CACNA2D3: variants seen among roughly 807,000 people sequenced by gnomAD.
CACNA2D3 encodes the protein calcium voltage-gated channel auxiliary subunit alpha2delta 3.
CACNA2D3 carries 60 observed loss-of-function variants against 160.6 expected under a neutral mutation model. That is an observed-to-expected ratio of 0.37 (90% confidence interval 0.30 to 0.46). The LOEUF (loss-of-function observed/expected upper bound fraction) is 0.46. Ranked by LOEUF, CACNA2D3 falls within the 20% of genes least tolerant of loss-of-function variation. The pLI, the probability that CACNA2D3 is intolerant of heterozygous loss-of-function variation, is 1.00. For synonymous variants in CACNA2D3, 558 were observed against 492.9 expected, an observed-to-expected ratio of 1.13 and a Z score of -1.75; for missense variants, 1,205 against 1,365.0, an observed-to-expected ratio of 0.88 and a Z score of 1.85.
chr3:54,919,276 C>G (rs550920900), intron 27 of CACNA2D3, among the ~76,000 whole-genome samples: 1 of 152,324 alleles, frequency 6.6e-6, no homozygotes, highest in South Asian at 2.1e-4. Context: ...GACAAGAAAA[C>G]TTTTGTACCA....
chr3:54,883,916 T>C (rs1699866984), intron 21 of CACNA2D3, among the ~76,000 whole-genome samples: 1 of 152,044 alleles, frequency 6.6e-6, no homozygotes, highest in Admixed American at 6.6e-5. Context: ...CCATCTGATA[T>C]TCTCTAAAGT....
intron 27 of CACNA2D3, among the ~76,000 whole-genome samples, chr3:54,905,729 T>G (rs1437769612): frequency 1.1e-4 from 16 of 152,158 alleles, no homozygotes. Context: ...GGAATGGTGC[T>G]AAACATCTTG....
At chr3:54,522,929 TTTATTTACTTACTTACTTACTTAC>T in intron 5 of CACNA2D3, among the ~76,000 whole-genome samples, 1 of 104,938 alleles carries the variant, frequency 9.5e-6, no homozygotes, top group African/African-American at 4.0e-5. Flanking sequence ...TATTTATTTA[TTTATTTACTTACTTACTTACTTAC>T]TTACTTACTT....
intron 11 of CACNA2D3, among the ~76,000 whole-genome samples, chr3:54,749,607 A>G (rs1701820368): frequency 6.6e-6 from 1 of 152,194 alleles, no homozygotes; most frequent in African/African-American, 2.4e-5. Flanking sequence ...TTTCTCTCCA[A>G]AATATTTCCT....
At chr3:54,497,721 G>A (rs1304778122) in intron 4 of CACNA2D3, among the ~76,000 whole-genome samples, 2 of 151,942 alleles carry the variant, frequency 1.3e-5, no homozygotes, top group Non-Finnish European at 2.9e-5. Context: ...TCAATATAAT[G>A]TCAGATACAT....
intron 2 of CACNA2D3, among the ~76,000 whole-genome samples, chr3:54,189,305 T>A (rs892255890): frequency 6.6e-6 from 1 of 152,232 alleles, no homozygotes; most frequent in Non-Finnish European, 1.5e-5. Context: ...AGCTCACTGA[T>A]ACTGTGTGTG....
At chr3:54,732,818 G>T (rs1701416326) in intron 11 of CACNA2D3, among the ~76,000 whole-genome samples, 1 of 152,192 alleles carries the variant, frequency 6.6e-6, no homozygotes, top group Non-Finnish European at 1.5e-5. Flanking sequence ...AGAGTTTTAT[G>T]TGGACCCTCG....
At chr3:54,721,077 T>C (rs988452522) in intron 11 of CACNA2D3, among the ~76,000 whole-genome samples, 5 of 152,188 alleles carry the variant, frequency 3.3e-5, no homozygotes, top group African/African-American at 1.2e-4. Flanking sequence ...TATTTTATTA[T>C]TTACTTCAGT....
intron 12 of CACNA2D3, among the ~76,000 whole-genome samples, chr3:54,755,752 A>G (rs1030542164): frequency 1.5e-4 from 23 of 152,098 alleles, no homozygotes; most frequent in African/African-American, 4.6e-4. Context: ...TGAGTTAGCT[A>G]TACTTTTCCC....
At chr3:54,516,727 C>T (rs1464588507) in intron 5 of CACNA2D3, among the ~76,000 whole-genome samples, 2 of 152,172 alleles carry the variant, frequency 1.3e-5, no homozygotes, top group Non-Finnish European at 2.9e-5. Context: ...CCCGTGTCTA[C>T]TTTATTCAAG....
At chr3:54,698,911 G>T (rs1198571665) in intron 11 of CACNA2D3, among the ~76,000 whole-genome samples, 1 of 152,162 alleles carries the variant, frequency 6.6e-6, no homozygotes, top group African/African-American at 2.4e-5. Context: ...GCGAGCAAAA[G>T]CTTGTACAAA....
chr3:54,195,183 A>G (rs921996379), intron 2 of CACNA2D3, among the ~76,000 whole-genome samples: 13 of 151,822 alleles, frequency 8.6e-5, no homozygotes, highest in Non-Finnish European at 1.8e-4. Flanking sequence ...GGTTAGGCCC[A>G]GGAATCAGCC....
Position 55,074,092 on chromosome 3 carries a change from C to T in CACNA2D3, c.3184-22C>T, listed in dbSNP as rs370864316. ...GTCCTGGAGTCTATTTCCGTCTAAC[C>T]AACCCCTGCCTTTCCCCATAGGAGA... On this transcript the variant is annotated intron_variant, in intron 37 of 37. Transcript: ENST00000474759. The T allele has an allele frequency of 1.1e-5, 17 of 1,601,114 alleles. No individual in the cohort carries two copies. In the African/African-American group the frequency reaches 1.2e-4, roughly 11 times the overall value.
At chr3:54,686,552 T>C (rs1225909666) in intron 11 of CACNA2D3, among the ~76,000 whole-genome samples, 1 of 152,250 alleles carries the variant, frequency 6.6e-6, no homozygotes, top group African/African-American at 2.4e-5. Flanking sequence ...TTAGATACTC[T>C]ATAATTTAGG....
intron 12 of CACNA2D3, among the ~76,000 whole-genome samples, chr3:54,761,543 C>T (rs1702081452): frequency 6.6e-6 from 1 of 152,330 alleles, no homozygotes; most frequent in South Asian, 2.1e-4. Context: ...CCTTTCCGAC[C>T]ATGCCTCTAA....
At chr3:54,164,490 C>T (rs1243491171) in intron 2 of CACNA2D3, among the ~76,000 whole-genome samples, 1 of 152,230 alleles carries the variant, frequency 6.6e-6, no homozygotes, top group African/African-American at 2.4e-5. Flanking sequence ...ATTTTACTTT[C>T]TCAACCCCTG....
intron 11 of CACNA2D3, among the ~76,000 whole-genome samples, chr3:54,687,482 A>C (rs1198785555): frequency 6.6e-6 from 1 of 151,890 alleles, no homozygotes; most frequent in Non-Finnish European, 1.5e-5. Context: ...AAATTTTTCT[A>C]AGTTTTTTTT....
chr3:54,591,321 A>G (rs938189241), intron 9 of CACNA2D3, among the ~76,000 whole-genome samples: 7 of 152,178 alleles, frequency 4.6e-5, no homozygotes, highest in African/African-American at 1.7e-4. Context: ...CTGCTAAATC[A>G]GGTGCCCATT....
chr3:54,778,022 C>G (rs1702456256), intron 13 of CACNA2D3, among the ~76,000 whole-genome samples: 1 of 152,216 alleles, frequency 6.6e-6, no homozygotes, highest in East Asian at 1.9e-4. Context: ...TCCAGGGGAG[C>G]CTAAATTCAG....
Sources: gnomAD v4.1 joint callset for allele counts (sites outside exome capture counted in the v4.1 genomes callset) on GRCh38, gnomAD v4.1.1 for gene constraint, MANE v1.5 for transcripts, NCBI Gene and HGNC (gene_info 2026-07-23, HGNC 2026-07-21) for gene names.